The following KNDC1 variants were observed in gnomAD, a reference collection of about 807,000 sequenced individuals.
KNDC1 encodes the protein kinase non-catalytic C-lobe domain containing 1.
A neutral mutation model predicts 172.8 loss-of-function variants in KNDC1; 106 were observed. That is an observed-to-expected ratio of 0.61 (90% CI 0.52 to 0.72). The LOEUF is 0.72. KNDC1 is among the 30% of genes least tolerant of loss of function. The pLI, the probability that KNDC1 is intolerant of heterozygous loss-of-function variation, is 0.00. For synonymous variants in KNDC1, 1,083 were observed against 1,062.2 expected, an observed-to-expected ratio of 1.02 and a Z score of -0.38; for missense variants, 2,325 against 2,394.5, an observed-to-expected ratio of 0.97 and a Z score of 0.61.
chr10:133,161,109 C>T (rs372567188), intron 1 of KNDC1, among the ~76,000 whole-genome samples: 1 of 152,176 alleles, frequency 6.6e-6, no homozygotes, highest in Non-Finnish European at 1.5e-5. Flanking sequence ...TGCCTGCCAT[C>T]TGCATACCCT....
At chr10:133,206,134 A>C (rs1373857692) in intron 17 of KNDC1, among the ~76,000 whole-genome samples, 1 of 152,240 alleles carries the variant, frequency 6.6e-6, no homozygotes, top group Non-Finnish European at 1.5e-5. Flanking sequence ...TGGGAGGCAG[A>C]GGTTGTGGTG....
chr10:133,206,631 T>G (rs964658149), intron 17 of KNDC1, 54 bp from the exon 18 acceptor site: 5 of 1,466,556 alleles, frequency 3.4e-6, no homozygotes, highest in Non-Finnish European at 3.8e-6. Flanking sequence ...GCCCTGGATG[T>G]GGCTGACGTG....
At chr10:133,198,258 C>G in intron 12 of KNDC1, 79 bp from the exon 13 acceptor site, 1 of 1,442,470 alleles carries the variant, frequency 6.9e-7, no homozygotes, top group Non-Finnish European at 9.2e-7. Context: ...GGGATGAGCA[C>G]TGGGTGGGAT....
Position 133,203,493 on chromosome 10 carries a change from G to A in KNDC1, c.3387+1595G>A, listed in dbSNP as rs370663255. 2.2e-3 allele frequency among the ~76,000 whole-genome samples: 337 copies of A among 152,334 alleles called. 2 individuals are homozygous for A. Among genetic ancestry groups the A allele is most frequent in the African/African-American group, 6.9e-3 (285 of 41,584 alleles). ...GACTTTCACATCCGCAGCCCAAAACGCACACGGTGCAGCGAGGGCCGTTCT... is the reference window on the plus strand; with the variant it reads ...GACTTTCACATCCGCAGCCCAAAACACACACGGTGCAGCGAGGGCCGTTCT... On this transcript the variant is annotated intron_variant, in intron 17 of 29. Coordinates refer to ENST00000304613, the MANE Select transcript of KNDC1 (RefSeq NM_152643.8).
In KNDC1 at chr10:133,163,669, A is replaced by G. The variant is rs1263336478; in HGVS notation, c.102+3100A>G. ...GTATTTCAAATGCGCCACACGATCTAGGCGTCCCTGTGTAACCCTGGCTCG... is the reference window on the plus strand; with the variant it reads ...GTATTTCAAATGCGCCACACGATCTGGGCGTCCCTGTGTAACCCTGGCTCG... On this transcript the variant is annotated intron_variant, in intron 1 of 29. Transcript: ENST00000304613. This position sits in a 1 kb window ranked among gnomAD's most constrained non-coding sequence, Gnocchi z 4.4. Among the ~76,000 whole-genome samples the G allele has an allele frequency of 6.6e-6, 1 of 152,150 alleles. No individual in the cohort carries two copies. Among genetic ancestry groups the G allele is most frequent in the African/African-American group, 2.4e-5 (1 of 41,434 alleles).
chr10:133,162,831 A>C (rs1853020345), intron 1 of KNDC1, among the ~76,000 whole-genome samples: 2 of 152,248 alleles, frequency 1.3e-5, no homozygotes, highest in South Asian at 4.1e-4. Context: ...CCTGTGTCCC[A>C]GCAACTTCAC....
At chr10:133,183,288 G>A (rs976026831) in intron 3 of KNDC1, 56 bp from the exon 4 acceptor site, 17 of 1,503,116 alleles carry the variant, frequency 1.1e-5, no homozygotes, top group African/African-American at 1.4e-5. Context: ...TGCTGGCCGC[G>A]GTCGGGGTGG....
intron 1 of KNDC1, among the ~76,000 whole-genome samples, chr10:133,161,868 C>T (rs1226961430): frequency 1.3e-5 from 2 of 152,204 alleles, no homozygotes; most frequent in African/African-American, 2.4e-5. Context: ...GCCTTGAGGG[C>T]CTCCCCGCTC....
intron 3 of KNDC1, among the ~76,000 whole-genome samples, chr10:133,169,660 G>A (rs116743324): frequency 0.019 from 2,896 of 152,258 alleles, 86 homozygotes; most frequent in African/African-American, 0.054. Context: ...GCCGTGACGC[G>A]GCACGTGGCC....
intron 3 of KNDC1, among the ~76,000 whole-genome samples, chr10:133,177,099 C>T (rs1465336358): frequency 1.3e-5 from 2 of 152,170 alleles, no homozygotes; most frequent in Non-Finnish European, 2.9e-5. Context: ...GGGACCCATG[C>T]AGCTGCTGCC....
chr10:133,168,921 T>C (rs2998150), intron 3 of KNDC1, among the ~76,000 whole-genome samples: 109,237 of 152,122 alleles, frequency 0.72, 39,379 homozygotes, highest in Admixed American at 0.77. Flanking sequence ...CCCAGCGCCT[T>C]GAGGTCAGCA....
chr10:133,214,011 C>G lies in KNDC1; in HGVS notation c.4566C>G (p.Ser1522Arg). Residue 1522 changes from serine to arginine, a missense_variant, in exon 26 of 30, where the codon AGC becomes AGG. Coordinates refer to ENST00000304613, the MANE Select transcript of KNDC1 (RefSeq NM_152643.8). ...SSESLSAKTCSLFLPNYVQDK... is the reference protein window; with the variant it reads ...SSESLSAKTCRLFLPNYVQDK... ...AGTCTCTTTCGGCCAAAACCTGCAG[C>G]TTATTTCTGCCCAATTACGTTCAGG... The G allele has an allele frequency of 6.2e-7, 1 of 1,614,184 alleles. No homozygotes were observed.
Position 133,221,836 on chromosome 10 carries a change from G to A in KNDC1, c.5018+1724G>A, listed in dbSNP as rs1243100625. Among the ~76,000 whole-genome samples, 7 of 115,058 alleles carry A rather than the reference G, an allele frequency of 6.1e-5. 1 individual carries two copies. The highest frequency in any genetic ancestry group is 7.0e-4 in the South Asian group (2 of 2,852). The allele number at this position is 115,058 out of a possible 152,430, so 75.5% of individuals were successfully genotyped here. A position where few individuals can be genotyped will look rare whatever the true frequency, so the allele number is the denominator to read the frequency against. On this transcript the variant is annotated intron_variant, in intron 29 of 29. Coordinates refer to ENST00000304613, the MANE Select transcript of KNDC1 (RefSeq NM_152643.8). ...TCACGCCTGTAACCCTAGGTAGGCC[G>A]GGCTGGGTGCAGCCACTCACGCCTG...
At position 133,186,365 on chromosome 10, in the gene KNDC1, G is replaced by T; in HGVS notation, c.1017G>T (p.Pro339=). Residue 339 remains proline, a synonymous_variant, in exon 6 of 30, where the codon CCG becomes CCT. Coordinates refer to ENST00000304613, the MANE Select transcript of KNDC1 (RefSeq NM_152643.8). ...SQLPISELFS[P]DPRKAFLDRK... Reference sequence around the variant, plus strand: ...TGCCCATATCGGAATTATTCTCTCCGGACCCCAGGAAGGCCTTTCTGGACA... The same window carrying T: ...TGCCCATATCGGAATTATTCTCTCCTGACCCCAGGAAGGCCTTTCTGGACA... 1 of 1,612,650 alleles carries T rather than the reference G, an allele frequency of 6.2e-7. No homozygotes were observed. Among genetic ancestry groups the T allele is most frequent in the Non-Finnish European group, 8.5e-7 (1 of 1,179,936 alleles).
intron 5 of KNDC1, among the ~76,000 whole-genome samples, chr10:133,184,273 GCACA>G (rs61470856): frequency 2.9e-5 from 4 of 138,432 alleles, no homozygotes; most frequent in Non-Finnish European, 3.1e-5. Flanking sequence ...ACACACCCAT[GCACA>G]CACACGCTGC....
rs1845314884 is a variant in KNDC1 at position 133,209,622 on chromosome 10, G to GC, written c.3795-988dup. 6.6e-6 allele frequency among the ~76,000 whole-genome samples: 1 copy of GC among 151,882 alleles called. No homozygotes were observed. The highest frequency in any genetic ancestry group is 1.5e-5 in the Non-Finnish European group (1 of 67,936). On this transcript the variant is annotated intron_variant, in intron 20 of 29. Coordinates refer to ENST00000304613, the MANE Select transcript of KNDC1 (RefSeq NM_152643.8). The surrounding 1 kb of genome is among the most constrained non-coding windows in gnomAD (Gnocchi z 4.9). ...GGTTGTACAGTTTGTGGCTTGCATG[G>GC]CGTGAGTGTGAGTGCTGTGCTTCCA...
intron 26 of KNDC1, among the ~76,000 whole-genome samples, chr10:133,218,082 G>A (rs929620338): frequency 4.0e-5 from 6 of 150,170 alleles, no homozygotes; most frequent in East Asian, 2.0e-4. Context: ...AAAAAGAGTC[G>A]ATCCGGGGCA....
chr10:133,214,376 T>G (rs540549507), intron 26 of KNDC1, among the ~76,000 whole-genome samples: 2 of 152,200 alleles, frequency 1.3e-5, no homozygotes, highest in South Asian at 4.1e-4. Flanking sequence ...CACATCCACA[T>G]CCACGGCCAC....
At chr10:133,183,830 C>A in intron 4 of KNDC1, 42 bp from the exon 5 acceptor site, 3 of 1,445,164 alleles carry the variant, frequency 2.1e-6, no homozygotes, top group South Asian at 1.3e-5. Flanking sequence ...GGGAGATGGC[C>A]CCTCCTCCGA....
Sources: gnomAD v4.1 joint callset for allele counts (sites outside exome capture counted in the v4.1 genomes callset) on GRCh38, gnomAD v4.1.1 for gene constraint, Gnocchi (gnomAD v3.1) non-coding constraint, MANE v1.5 for transcripts, NCBI Gene and HGNC (gene_info 2026-07-23, HGNC 2026-07-21) for gene names.